LRTM1: variants seen among roughly 807,000 people sequenced by gnomAD.
The protein encoded by LRTM1 is leucine rich repeat transmembrane protein 1.
Under a neutral mutation model 32.4 loss-of-function variants are expected in LRTM1, and 38 were observed. That is an observed-to-expected ratio of 1.17 (90% CI 0.91 to 1.54). The LOEUF (loss-of-function observed/expected upper bound fraction) is 1.54. Among genes scored for constraint, LRTM1 ranks in the 40% most tolerant of loss-of-function variants. The pLI is 0.00. For synonymous variants in LRTM1, 186 were observed against 169.9 expected (o/e 1.09, Z -0.74); for missense variants, 466 against 415.4 (o/e 1.12, Z -1.06).
chr3:54,959,448 G>C (rs12491161), intron 1 of LRTM1, among the ~76,000 whole-genome samples: 54 of 152,088 alleles, frequency 3.6e-4, no homozygotes, highest in Admixed American at 1.5e-3. Context: ...GGAGATTTTA[G>C]TGCTATTTTA....
chr3:54,927,329 C>G (rs1701050681), intron 1 of LRTM1, among the ~76,000 whole-genome samples: 1 of 152,100 alleles, frequency 6.6e-6, no homozygotes, highest in Admixed American at 6.5e-5. Context: ...CATCACAGTC[C>G]CCTTCCCCTT....
At chr3:54,955,362 A>G (rs9859101) in intron 1 of LRTM1, among the ~76,000 whole-genome samples, 5,415 of 152,194 alleles carry the variant, frequency 0.036, 310 homozygotes, top group African/African-American at 0.12. Context: ...TGGGCTGGTG[A>G]TGACTCCCAC....
chr3:54,947,287 A>G (rs746123782), intron 1 of LRTM1, among the ~76,000 whole-genome samples: 3 of 152,206 alleles, frequency 2.0e-5, no homozygotes, highest in Admixed American at 1.3e-4. Flanking sequence ...CTTTTCCAGT[A>G]GACCAAGAAA....
At chr3:54,943,879 T>C (rs1015859855) in intron 1 of LRTM1, among the ~76,000 whole-genome samples, 8 of 152,180 alleles carry the variant, frequency 5.3e-5, no homozygotes, top group African/African-American at 1.9e-4. Flanking sequence ...TGCCTTCTTT[T>C]TTTGACTTAA....
intron 2 of LRTM1, among the ~76,000 whole-genome samples, chr3:54,924,200 T>C (rs922480107): frequency 6.6e-6 from 1 of 152,138 alleles, no homozygotes; most frequent in African/African-American, 2.4e-5. Context: ...AGTTGTCAAA[T>C]GGGTAGAAGC....
At chr3:54,954,993 G>C (rs1047023700) in intron 1 of LRTM1, among the ~76,000 whole-genome samples, 2 of 152,194 alleles carry the variant, frequency 1.3e-5, no homozygotes, top group African/African-American at 2.4e-5. Context: ...TATGCTTAGG[G>C]AATATGAGAG....
intron 1 of LRTM1, among the ~76,000 whole-genome samples, chr3:54,966,555 A>C (rs556001251): frequency 6.6e-6 from 1 of 152,340 alleles, no homozygotes; most frequent in Non-Finnish European, 1.5e-5. Context: ...CACATGGCTC[A>C]CATCTGTAAT....
chr3:54,957,251 C>A (rs1014706780), intron 1 of LRTM1, among the ~76,000 whole-genome samples: 2 of 151,730 alleles, frequency 1.3e-5, no homozygotes, highest in Non-Finnish European at 2.9e-5. Flanking sequence ...CCTCAAACTC[C>A]TGGGCTCAGG....
chr3:54,946,856 T>A (rs9311545), intron 1 of LRTM1, among the ~76,000 whole-genome samples: 2,334 of 152,152 alleles, frequency 0.015, 56 homozygotes, highest in African/African-American at 0.054. Context: ...AGTCCCTGAC[T>A]GAGAGTACTC....
upstream of LRTM1, among the ~76,000 whole-genome samples, chr3:54,933,047 CCCTCCCTTCCTT>C (rs1559635590): frequency 7.4e-6 from 1 of 135,116 alleles, no homozygotes; most frequent in Non-Finnish European, 1.5e-5. Flanking sequence ...ATCCATCCAT[CCCTCCCTTCCTT>C]CCTTCCTTCC....
At chr3:54,922,002 C>T (rs1212877313) in intron 2 of LRTM1, among the ~76,000 whole-genome samples, 3 of 151,930 alleles carry the variant, frequency 2.0e-5, no homozygotes, top group Non-Finnish European at 4.4e-5. Flanking sequence ...CCATGTTTGA[C>T]ACATATTTGG....
intron 2 of LRTM1, among the ~76,000 whole-genome samples, chr3:54,924,040 C>T (rs988748914): frequency 1.3e-5 from 2 of 152,202 alleles, no homozygotes; most frequent in Admixed American, 1.3e-4. Context: ...TCCAGAGTCC[C>T]TCATCTTTAA....
intron 1 of LRTM1, among the ~76,000 whole-genome samples, chr3:54,947,272 C>T (rs1300771877): frequency 1.3e-5 from 2 of 152,150 alleles, no homozygotes; most frequent in Admixed American, 1.3e-4. Flanking sequence ...TATGCTGCCT[C>T]TTAACTTTTC....
At chr3:54,943,601 C>T (rs1701533366) in intron 1 of LRTM1, among the ~76,000 whole-genome samples, 1 of 151,848 alleles carries the variant, frequency 6.6e-6, no homozygotes, top group South Asian at 2.1e-4. Flanking sequence ...TTAGAAAATC[C>T]CCTGGTCTTC....
chr3:54,957,347 C>T (rs1015227412), intron 1 of LRTM1, among the ~76,000 whole-genome samples: 2 of 151,984 alleles, frequency 1.3e-5, no homozygotes, highest in African/African-American at 4.8e-5. Context: ...TGGGGTCTCA[C>T]TCTGTTGCTC....
rs116730994 is a variant in LRTM1 at position 54,926,046 on chromosome 3, G to A, written c.8-831C>T. 2.8e-3 allele frequency among the ~76,000 whole-genome samples: 424 copies of A among 152,164 alleles called. 1 individual carries two copies. Among genetic ancestry groups the A allele is most frequent in the African/African-American group, 9.8e-3 (408 of 41,554 alleles). ...CTTGATTCTTTTTTCTTTCAACTCA[G>A]AAGAGCAATGCATTACTTATGCAGT... On this transcript the variant is annotated intron_variant, in intron 1 of 2. Coordinates refer to ENST00000273286, the MANE Select transcript of LRTM1 (RefSeq NM_020678.4).
chr3:54,934,816 C>G (rs146324452), intron 1 of LRTM1, among the ~76,000 whole-genome samples: 3,000 of 152,258 alleles, frequency 0.02, 42 homozygotes, highest in Non-Finnish European at 0.028. Context: ...ACTGCAACTT[C>G]CATCTCCAAG....
intron 1 of LRTM1, among the ~76,000 whole-genome samples, chr3:54,956,541 G>C (rs7649203): frequency 0.014 from 2,137 of 152,196 alleles, 49 homozygotes; most frequent in African/African-American, 0.049. Context: ...CTAGGATTTT[G>C]TGCACAGCCA....
intron 1 of LRTM1, among the ~76,000 whole-genome samples, chr3:54,962,769 G>A (rs1053389502): frequency 2.6e-5 from 4 of 152,120 alleles, no homozygotes; most frequent in Non-Finnish European, 4.4e-5. Flanking sequence ...TGAATATATT[G>A]TATGACTGGA....
Sources: gnomAD v4.1 joint callset for allele counts (sites outside exome capture counted in the v4.1 genomes callset) on GRCh38, gnomAD v4.1.1 for gene constraint, MANE v1.5 for transcripts, NCBI Gene and HGNC (gene_info 2026-07-23, HGNC 2026-07-21) for gene names.